The following ADAM18 variants were observed in gnomAD, a reference collection of about 807,000 sequenced individuals.
ADAM18 encodes disintegrin and metalloproteinase domain-containing protein 18.
In ADAM18, 117 loss-of-function variants were observed where a neutral mutation model predicts 94.4. The ratio of observed to expected loss-of-function variants is 1.24; its 90% confidence interval spans 1.07 to 1.45. The LOEUF is 1.45. Ranked by LOEUF, ADAM18 falls within the 40% of genes most tolerant of loss-of-function variation. The pLI, the probability that ADAM18 is intolerant of heterozygous loss-of-function variation, is 0.00. For synonymous variants in ADAM18, 327 were observed against 291.6 expected, an observed-to-expected ratio of 1.12 and a Z score of -1.24; for missense variants, 936 against 880.0, an observed-to-expected ratio of 1.06 and a Z score of -0.81.
At chr8:39,624,227 G>T (rs1246433153) in intron 6 of ADAM18, among the ~76,000 whole-genome samples, 1 of 152,104 alleles carries the variant, frequency 6.6e-6, no homozygotes, top group African/African-American at 2.4e-5. Context: ...TTTGCCTAGG[G>T]CAATGTCCAG....
intron 14 of ADAM18, among the ~76,000 whole-genome samples, chr8:39,670,000 C>T (rs921735579): frequency 5.9e-5 from 9 of 152,114 alleles, no homozygotes; most frequent in Admixed American, 1.3e-4. Context: ...TTTTAATGAT[C>T]GCCATTCTAA....
chr8:39,630,340 T>C (rs970876158), intron 7 of ADAM18, among the ~76,000 whole-genome samples: 8 of 151,472 alleles, frequency 5.3e-5, no homozygotes, highest in Non-Finnish European at 8.9e-5. Flanking sequence ...CAAATAATTA[T>C]GAGGCACTAC....
intron 11 of ADAM18, among the ~76,000 whole-genome samples, chr8:39,646,141 G>A (rs867249117): frequency 6.6e-6 from 1 of 151,632 alleles, no homozygotes; most frequent in Non-Finnish European, 1.5e-5. Flanking sequence ...TCTTTCCTTG[G>A]AGGCTTAAAG....
rs112543485 is a variant in ADAM18 at position 39,609,705 on chromosome 8, G to T, written c.344+144G>T. 334 of 549,244 alleles carry T rather than the reference G, an allele frequency of 6.1e-4. 2 individuals are homozygous for T. Among genetic ancestry groups the T allele is most frequent in the African/African-American group, 5.7e-3 (304 of 53,496 alleles). The allele number at this position is 549,244 out of a possible 1,614,324, so 34.0% of individuals were successfully genotyped here. On this transcript the variant is annotated intron_variant, in intron 5 of 19. Transcript: ENST00000265707. ...TCTTTCTAACAGCTTTATTCTATTT[G>T]TATTAATGTTAATACTTAGACCTAA...
In ADAM18 at chr8:39,661,418, C is replaced by T. The variant is rs140183847; in HGVS notation, c.1231-2377C>T. 1.2e-3 allele frequency among the ~76,000 whole-genome samples: 184 copies of T among 150,238 alleles called. 3 individuals are homozygous for T. The South Asian group carries it at 0.022, about 18-fold the overall frequency. On this transcript the variant is annotated intron_variant, in intron 12 of 19. Coordinates refer to ENST00000265707, the MANE Select transcript of ADAM18 (RefSeq NM_014237.3). ...CTCTATCTCCTGACCTCGTGATCCG[C>T]CTTCCTCAGCCTCCCAAAGTGCTGA...
chr8:39,616,467 T>C (rs1434807578), intron 6 of ADAM18, among the ~76,000 whole-genome samples: 1 of 152,142 alleles, frequency 6.6e-6, no homozygotes, highest in African/African-American at 2.4e-5. Flanking sequence ...ACAGATTCAA[T>C]GCTATTCCTA....
At chr8:39,708,919 C>T (rs1353901716) in intron 18 of ADAM18, among the ~76,000 whole-genome samples, 1 of 152,210 alleles carries the variant, frequency 6.6e-6, no homozygotes, top group African/African-American at 2.4e-5. Flanking sequence ...TGGAGAGGTT[C>T]CAGTGACCCT....
intron 16 of ADAM18, among the ~76,000 whole-genome samples, chr8:39,687,843 G>A (rs191360415): frequency 6.9e-4 from 105 of 152,130 alleles, no homozygotes; most frequent in African/African-American, 1.7e-3. Context: ...TGGTGTGTGC[G>A]CACCCTGTTT....
Position 39,609,558 on chromosome 8 carries a change from T to C in ADAM18, c.341T>C (p.Leu114Pro). The change falls in exon 5 of 20, where the codon CTC becomes CCC. Residue 114 changes from leucine (L) to proline (P), a missense_variant. Physicochemically the swap from Leu to Pro is moderately conservative, Grantham distance 98. Coordinates refer to ENST00000265707, the MANE Select transcript of ADAM18 (RefSeq NM_014237.3). Reference sequence around the variant, plus strand: ...GTGACACTCAGTATATGTTCTGGTCTCAGGTAATAGCACCTTATAAGAAAT... The same window carrying C: ...GTGACACTCAGTATATGTTCTGGTCCCAGGTAATAGCACCTTATAAGAAAT... Reference protein sequence around the residue: ...SFVTLSICSGLRGFLQFENIS... With the variant: ...SFVTLSICSGPRGFLQFENIS... 2 of 1,604,570 alleles carry C rather than the reference T, an allele frequency of 1.2e-6. No individual in the cohort carries two copies. The highest frequency in any genetic ancestry group is 1.7e-6 in the Non-Finnish European group (2 of 1,173,496).
At chr8:39,627,230 C>T (rs1819797179) in intron 6 of ADAM18, among the ~76,000 whole-genome samples, 1 of 152,130 alleles carries the variant, frequency 6.6e-6, no homozygotes. Context: ...CTCCACATGG[C>T]TGGGGAGACC....
chr8:39,668,395 T>C (rs1027445251), intron 14 of ADAM18, among the ~76,000 whole-genome samples, 199 bp downstream of exon 14: 3 of 152,178 alleles, frequency 2.0e-5, no homozygotes, highest in Admixed American at 2.0e-4. Flanking sequence ...TTTATTGTGG[T>C]TTGATTTTTG....
chr8:39,667,379 G>T (rs1821019587), intron 13 of ADAM18, among the ~76,000 whole-genome samples: 1 of 136,192 alleles, frequency 7.3e-6, no homozygotes, highest in South Asian at 2.3e-4. Flanking sequence ...TCCAGCCTGA[G>T]CAAAAGAGCA....
chr8:39,606,494 C>T, intron 3 of ADAM18, 132 bp downstream of exon 3: 1 of 492,236 alleles, frequency 2.0e-6, no homozygotes, highest in Non-Finnish European at 3.5e-6. Context: ...CAATCAACTT[C>T]CCAATTTAGG....
Position 39,600,636 on chromosome 8 carries a change from GT to G in ADAM18, c.133-5666del, listed in dbSNP as rs533919906. On this transcript the variant is annotated intron_variant, in intron 2 of 19. Transcript: ENST00000265707. ...ATAACTGCTCTCAGTTTGAGAAACA[GT>G]TTTTGACTTGCTAACGAGCCTTAAT... Among the ~76,000 whole-genome samples the G allele has an allele frequency of 4.0e-3, 610 of 152,312 alleles. 6 individuals are homozygous for G. Among genetic ancestry groups the G allele is most frequent in the Non-Finnish European group, 5.8e-3 (392 of 68,028 alleles).
At chr8:39,598,756 A>G (rs539541627) in intron 2 of ADAM18, among the ~76,000 whole-genome samples, 118 of 147,796 alleles carry the variant, frequency 8.0e-4, no homozygotes, top group African/African-American at 2.9e-3. Flanking sequence ...TGGCAGAGCA[A>G]GACTCCGTCT....
intron 12 of ADAM18, among the ~76,000 whole-genome samples, chr8:39,656,384 A>G (rs1295121107): frequency 1.3e-5 from 2 of 152,174 alleles, no homozygotes; most frequent in African/African-American, 4.8e-5. Flanking sequence ...AATGCAGTGT[A>G]GAAAGGATGC....
At chr8:39,586,793 T>TATCTATC (rs1554500914) in intron 2 of ADAM18, among the ~76,000 whole-genome samples, 3 of 136,114 alleles carry the variant, frequency 2.2e-5, no homozygotes, top group East Asian at 2.0e-4. Flanking sequence ...TCTATCTATC[T>TATCTATC]ATCTATCTAT....
chr8:39,675,879 G>T (rs1184750687), intron 14 of ADAM18, among the ~76,000 whole-genome samples: 1 of 152,176 alleles, frequency 6.6e-6, no homozygotes. Flanking sequence ...CTAATGGTCA[G>T]GTCCCTCAGC....
At chr8:39,687,468 T>C (rs1021168025) in intron 16 of ADAM18, among the ~76,000 whole-genome samples, 2 of 152,210 alleles carry the variant, frequency 1.3e-5, no homozygotes, top group Non-Finnish European at 2.9e-5. Context: ...AATTTTATTC[T>C]ATTGTACTGT....
Sources: gnomAD v4.1 joint callset for allele counts (sites outside exome capture counted in the v4.1 genomes callset) on GRCh38, gnomAD v4.1.1 for gene constraint, MANE v1.5 for transcripts, NCBI Gene and HGNC (gene_info 2026-07-23, HGNC 2026-07-21) for gene names.